Variants in LINGO2 observed in about 807,000 individuals in gnomAD.
LINGO2 encodes the protein leucine-rich repeat and immunoglobulin-like domain-containing nogo receptor-interacting protein 2.
Under a neutral mutation model 30.6 loss-of-function variants are expected in LINGO2, and 14 were observed. The ratio of observed to expected loss-of-function variants is 0.46; its 90% CI spans 0.30 to 0.72. The LOEUF (loss-of-function observed/expected upper bound fraction) is 0.72. Among genes scored for constraint, LINGO2 ranks in the 30% least tolerant of loss-of-function variants. The pLI is 0.07. For synonymous variants in LINGO2, 317 were observed against 288.5 expected, an observed-to-expected ratio of 1.10 and a Z score of -1.00; for missense variants, 729 against 751.7, an observed-to-expected ratio of 0.97 and a Z score of 0.35.
rs561538609 is a variant in LINGO2 at position 28,043,348 on chromosome 9, A to G, written c.-86-30943T>C. Among the ~76,000 whole-genome samples the G allele has an allele frequency of 1.6e-4, 24 of 152,334 alleles. 1 individual carries two copies. The South Asian group carries it at 5.0e-3, about 32-fold the overall frequency. ...GCATGCCCTCAACACTCACACATGA[A>G]TAACTCAAGTGAACTGACTACCTCT... On this transcript the variant is annotated intron_variant, in intron 4 of 5. Coordinates refer to ENST00000379992, the Ensembl canonical transcript of LINGO2.
At chr9:29,024,678 T>C in the LINGO2 span, among the ~76,000 whole-genome samples, 1 of 152,100 alleles carries the variant, frequency 6.6e-6, no homozygotes, top group Non-Finnish European at 1.5e-5. Flanking sequence ...CAGAGAGCGA[T>C]GGAGAAGGCA....
At chr9:28,042,639 T>A (rs561367663) in intron 4 of LINGO2, among the ~76,000 whole-genome samples, 2 of 152,310 alleles carry the variant, frequency 1.3e-5, no homozygotes, top group South Asian at 4.1e-4. Context: ...ATCATGTGTC[T>A]TATGGAAAAA....
intron 4 of LINGO2, among the ~76,000 whole-genome samples, chr9:28,120,853 T>C (rs1393999870): frequency 6.6e-6 from 1 of 152,144 alleles, no homozygotes; most frequent in African/African-American, 2.4e-5. Context: ...TTTTGTGGTA[T>C]TGCTTAATAG....
At chr9:28,466,836 T>C (rs2135148754) in intron 2 of LINGO2, among the ~76,000 whole-genome samples, 2 of 152,326 alleles carry the variant, frequency 1.3e-5, no homozygotes, top group East Asian at 3.9e-4. Flanking sequence ...ACACAAGGCA[T>C]GAATAAAATT....
At chr9:28,311,485 G>C (rs1452099672) in intron 3 of LINGO2, among the ~76,000 whole-genome samples, 3 of 152,108 alleles carry the variant, frequency 2.0e-5, no homozygotes, top group African/African-American at 7.2e-5. Flanking sequence ...AACCATAAAA[G>C]ATGGCCACCC....
chr9:28,823,912 T>C, the LINGO2 span, among the ~76,000 whole-genome samples: 1 of 152,162 alleles, frequency 6.6e-6, no homozygotes, highest in Non-Finnish European at 1.5e-5. Context: ...CTTCAGTGTA[T>C]AGCCCTTAGT....
At chr9:29,099,564 A>G in the LINGO2 span, among the ~76,000 whole-genome samples, 1 of 152,224 alleles carries the variant, frequency 6.6e-6, no homozygotes, top group Non-Finnish European at 1.5e-5. Flanking sequence ...CAATTTTAAA[A>G]TGAACAAAAG....
rs538004028 is a variant in LINGO2, at chr9:28,409,700, C to A, written c.-278-36832G>T. 1.4e-4 allele frequency among the ~76,000 whole-genome samples: 21 copies of A among 151,716 alleles called. No homozygotes were observed. The East Asian group carries it at 4.1e-3, about 29-fold the overall frequency. ...AGGAAAAGAGAGCATCAGGATCACA[C>A]ACTAATAATGTCCAGGTTATTATCT... On this transcript the variant is annotated intron_variant, in intron 2 of 5. Transcript: ENST00000379992.
the LINGO2 span, among the ~76,000 whole-genome samples, chr9:28,752,555 A>G: frequency 1.3e-5 from 2 of 152,108 alleles, no homozygotes; most frequent in Non-Finnish European, 2.9e-5. Flanking sequence ...TGGTATCAAA[A>G]CTCTGTGAAA....
intron 3 of LINGO2, among the ~76,000 whole-genome samples, chr9:28,307,367 C>G (rs946943219): frequency 3.3e-5 from 5 of 152,070 alleles, no homozygotes; most frequent in African/African-American, 1.2e-4. Context: ...AGGCCTTTGA[C>G]AAAATTCAAC....
the LINGO2 span, among the ~76,000 whole-genome samples, chr9:29,112,439 C>G: frequency 6.6e-6 from 1 of 152,104 alleles, no homozygotes; most frequent in African/African-American, 2.4e-5. Flanking sequence ...CCTTCCCAAT[C>G]CATGAATAAT....
At chr9:28,274,030 G>C (rs921034469) in intron 4 of LINGO2, among the ~76,000 whole-genome samples, 1 of 152,124 alleles carries the variant, frequency 6.6e-6, no homozygotes, top group Non-Finnish European at 1.5e-5. Flanking sequence ...ATATCAACCA[G>C]AAGAAGAGAA....
chr9:28,912,415 G>A, the LINGO2 span, among the ~76,000 whole-genome samples: 1 of 151,864 alleles, frequency 6.6e-6, no homozygotes, highest in South Asian at 2.1e-4. Flanking sequence ...TGCCTGGTAA[G>A]CTGTTCTGTC....
chr9:28,959,231 G>A, the LINGO2 span, among the ~76,000 whole-genome samples: 1 of 152,030 alleles, frequency 6.6e-6, no homozygotes, highest in Non-Finnish European at 1.5e-5. Context: ...AAAGAAAACA[G>A]AGAAACGGTC....
chr9:28,741,880 G>A, the LINGO2 span, among the ~76,000 whole-genome samples: 1 of 151,864 alleles, frequency 6.6e-6, no homozygotes, highest in Non-Finnish European at 1.5e-5. Flanking sequence ...GAAGCCTGGG[G>A]CCTTGGGTTT....
the LINGO2 span, among the ~76,000 whole-genome samples, chr9:28,926,290 G>A: frequency 6.6e-6 from 1 of 152,108 alleles, no homozygotes; most frequent in African/African-American, 2.4e-5. Flanking sequence ...CTCCAGCCTG[G>A]GGGATAGAGC....
chr9:28,635,690 T>G (rs1235611311), intron 1 of LINGO2, among the ~76,000 whole-genome samples: 2 of 152,050 alleles, frequency 1.3e-5, no homozygotes, highest in Non-Finnish European at 2.9e-5. Context: ...TAAAAAAATA[T>G]TATGACAAAA....
intron 4 of LINGO2, among the ~76,000 whole-genome samples, chr9:28,236,375 T>A (rs1488981044): frequency 1.3e-5 from 2 of 152,130 alleles, no homozygotes; most frequent in East Asian, 3.9e-4. Flanking sequence ...AAGAATAAAT[T>A]ATCTAAAGGC....
the LINGO2 span, among the ~76,000 whole-genome samples, chr9:29,166,627 G>A: frequency 6.6e-6 from 1 of 152,036 alleles, no homozygotes; most frequent in African/African-American, 2.4e-5. Context: ...TATATTAATG[G>A]ATATTTTAAT....
Sources: allele counts gnomAD v4.1 joint callset (sites outside exome capture counted in the v4.1 genomes callset), GRCh38; gene constraint gnomAD v4.1.1; transcripts MANE v1.5; gene names NCBI Gene and HGNC (gene_info 2026-07-23, HGNC 2026-07-21).